The following CNTLN variants were observed in gnomAD, a reference collection of about 807,000 sequenced individuals.
CNTLN encodes centlein.
CNTLN carries 212 observed loss-of-function variants against 180.0 expected under a neutral mutation model. That is an observed-to-expected ratio of 1.18 (90% CI 1.05 to 1.32). The LOEUF is 1.32. Among genes scored for constraint, CNTLN ranks in the 40% most tolerant of loss-of-function variants. The pLI is 0.00. For synonymous variants in CNTLN, 722 were observed against 563.1 expected (o/e 1.28, Z -3.99); for missense variants, 2,095 against 1,610.9 (o/e 1.30, Z -5.14).
intron 13 of CNTLN, among the ~76,000 whole-genome samples, chr9:17,377,015 T>C (rs1443400037): frequency 3.3e-5 from 5 of 152,140 alleles, no homozygotes; most frequent in African/African-American, 1.2e-4. Context: ...CCAGAATTTT[T>C]ACAAAACTTT....
intron 12 of CNTLN, among the ~76,000 whole-genome samples, chr9:17,359,786 G>GCTACTCA (rs1321383674): frequency 7.2e-6 from 1 of 139,664 alleles, no homozygotes; most frequent in African/African-American, 2.6e-5. Context: ...TGTAGTCCCA[G>GCTACTCA]CTACTCAGGA....
At chr9:17,378,468 C>T (rs1484155534) in intron 13 of CNTLN, among the ~76,000 whole-genome samples, 2 of 152,082 alleles carry the variant, frequency 1.3e-5, no homozygotes, top group African/African-American at 2.4e-5. Flanking sequence ...TGGGAGCCAC[C>T]GCACCCGGCC....
intron 2 of CNTLN, chr9:17,166,728 A>G (rs1401595593): frequency 3.8e-6 from 1 of 262,468 alleles, no homozygotes; most frequent in Non-Finnish European, 7.9e-6. Context: ...CTAAAATTCT[A>G]TAACCAGCCA....
rs114585302 is a variant in CNTLN, at chr9:17,439,890, A to G, written c.3115-17634A>G. Reference sequence around the variant, plus strand: ...TCACCAGACACCAGATCTATCCACAACTTAATCTTGGACTTCCCACCATCC... The same window carrying G: ...TCACCAGACACCAGATCTATCCACAGCTTAATCTTGGACTTCCCACCATCC... On this transcript the variant is annotated intron_variant, in intron 18 of 25. Coordinates refer to ENST00000380647, the MANE Select transcript of CNTLN (RefSeq NM_017738.4). 9.8e-3 allele frequency among the ~76,000 whole-genome samples: 1,493 copies of G among 152,306 alleles called. 23 individuals are homozygous for G. The highest frequency in any genetic ancestry group is 0.034 in the African/African-American group (1,399 of 41,566).
intron 13 of CNTLN, among the ~76,000 whole-genome samples, chr9:17,367,024 A>G (rs1292116481): frequency 1.3e-5 from 2 of 152,232 alleles, no homozygotes; most frequent in East Asian, 1.9e-4. Context: ...CACCTACATA[A>G]GAATCAGAAA....
In CNTLN at chr9:17,150,809, G is replaced by T. The variant is rs554080528; in HGVS notation, c.449+7433G>T. On this transcript the variant is annotated intron_variant, in intron 2 of 25. Coordinates refer to ENST00000380647, the MANE Select transcript of CNTLN (RefSeq NM_017738.4). ...ATGGAATTTTTTTCCATTTGTTTGT[G>T]TCCTCTCTTACTTCCTTGAGCAGTG... 3.3e-4 allele frequency among the ~76,000 whole-genome samples: 50 copies of T among 152,182 alleles called. 1 individual carries two copies. Among genetic ancestry groups the T allele is most frequent in the African/African-American group, 1.2e-3 (49 of 41,536 alleles).
intron 13 of CNTLN, among the ~76,000 whole-genome samples, chr9:17,376,097 C>T (rs1166083698): frequency 6.6e-6 from 1 of 152,152 alleles, no homozygotes; most frequent in East Asian, 1.9e-4. Context: ...ATTTGAACCC[C>T]TCCATTTAAC....
At chr9:17,241,148 G>A (rs1175434444) in intron 5 of CNTLN, among the ~76,000 whole-genome samples, 3 of 152,138 alleles carry the variant, frequency 2.0e-5, no homozygotes, top group South Asian at 2.1e-4. Flanking sequence ...GTGAGCCACC[G>A]CAGCCAGCCT....
In CNTLN at chr9:17,318,838, TTCCATCCA is replaced by T. The variant is rs60102156; in HGVS notation, c.1341+9620_1341+9627del. The stretch of plus-strand genomic sequence containing the variant: ...GACTCACCTCTTCATCCATCCTTTA[TTCCATCCA>T]TCCATCCATCCATCCATCCATCCAT... On this transcript the variant is annotated intron_variant, in intron 8 of 25. Transcript: ENST00000380647. 8.9e-3 allele frequency among the ~76,000 whole-genome samples: 1,343 copies of T among 151,414 alleles called. 12 individuals are homozygous for T. The highest frequency in any genetic ancestry group is 0.02 in the South Asian group (96 of 4,776).
chr9:17,274,643 T>C (rs1385464424), intron 6 of CNTLN, among the ~76,000 whole-genome samples: 1 of 152,072 alleles, frequency 6.6e-6, no homozygotes, highest in Non-Finnish European at 1.5e-5. Context: ...AGGTATATAA[T>C]AGAGTTTGAT....
At chr9:17,188,342 C>T (rs1821566596) in intron 2 of CNTLN, among the ~76,000 whole-genome samples, 1 of 151,998 alleles carries the variant, frequency 6.6e-6, no homozygotes, top group Non-Finnish European at 1.5e-5. Context: ...TATCATGGAG[C>T]ATATTTTTCA....
At chr9:17,208,602 C>T (rs1035584711) in intron 2 of CNTLN, among the ~76,000 whole-genome samples, 5 of 152,114 alleles carry the variant, frequency 3.3e-5, no homozygotes, top group Non-Finnish European at 7.4e-5. Flanking sequence ...CTGGGCTCTT[C>T]TGTGCTGGAA....
chr9:17,196,739 G>A (rs1822157655), intron 2 of CNTLN, among the ~76,000 whole-genome samples: 1 of 151,548 alleles, frequency 6.6e-6, no homozygotes, highest in African/African-American at 2.4e-5. Flanking sequence ...TGGGTACATA[G>A]TAGGTCTGTT....
chr9:17,429,935 A>G (rs1829316978), intron 18 of CNTLN, among the ~76,000 whole-genome samples: 1 of 151,980 alleles, frequency 6.6e-6, no homozygotes. Flanking sequence ...TACTAGTTTC[A>G]TTTGAATGGA....
chr9:17,272,898 C>T (rs1459040315), intron 5 of CNTLN, among the ~76,000 whole-genome samples: 2 of 152,098 alleles, frequency 1.3e-5, no homozygotes, highest in African/African-American at 2.4e-5. Flanking sequence ...TCCCTCCCTC[C>T]TTCTGCCCTT....
At chr9:17,507,426 C>T (rs1216187708), downstream of CNTLN, among the ~76,000 whole-genome samples, 1 of 152,098 alleles carries the variant, frequency 6.6e-6, no homozygotes, top group Non-Finnish European at 1.5e-5. Context: ...CATATCCTTG[C>T]TATTGTGAAG....
At chr9:17,439,456 G>C (rs1165650225) in intron 18 of CNTLN, among the ~76,000 whole-genome samples, 1 of 151,928 alleles carries the variant, frequency 6.6e-6, no homozygotes, top group Non-Finnish European at 1.5e-5. Context: ...AAAAACTAAT[G>C]GGTCAAAGAA....
intron 22 of CNTLN, among the ~76,000 whole-genome samples, 200 bp downstream of exon 22, chr9:17,466,318 G>A (rs573093298): frequency 1.3e-4 from 20 of 151,436 alleles, no homozygotes; most frequent in African/African-American, 4.6e-4. Context: ...GAGAAAACAG[G>A]TTGTGTTTGT....
chr9:17,301,199 G>A, intron 7 of CNTLN: 1 of 985,378 alleles, frequency 1.0e-6, no homozygotes, highest in Non-Finnish European at 1.2e-6. Flanking sequence ...ATTCCCTAGT[G>A]TATGTCTTTA....
Sources: allele counts gnomAD v4.1 joint callset (sites outside exome capture counted in the v4.1 genomes callset), GRCh38; gene constraint gnomAD v4.1.1; transcripts MANE v1.5; gene names NCBI Gene and HGNC (gene_info 2026-07-23, HGNC 2026-07-21).